The following PCDHGA4 variants were observed in gnomAD, a reference collection of about 807,000 sequenced individuals.
PCDHGA4 encodes protocadherin gamma-A4.
A neutral mutation model predicts 54.6 loss-of-function variants in PCDHGA4; 38 were observed. The ratio of observed to expected loss-of-function variants is 0.70; its 90% CI spans 0.54 to 0.91. The LOEUF (loss-of-function observed/expected upper bound fraction) is 0.91. Among genes scored for constraint, PCDHGA4 ranks in the 40% least tolerant of loss-of-function variants. The probability of loss-of-function intolerance (pLI) is 0.00; values close to 1 mark genes in which losing one functional copy is unlikely to be tolerated. For synonymous variants in PCDHGA4, 511 were observed against 512.9 expected (o/e 1.00, Z 0.05); for missense variants, 1,298 against 1,220.9 (o/e 1.06, Z -0.94).
chr5:141,356,107 A>C lies in PCDHGA4; in HGVS notation c.1000A>C (p.Ile334Leu). 6.2e-7 allele frequency: 1 copy of C among 1,613,872 alleles called. No homozygotes were observed. The highest frequency in any genetic ancestry group is 8.5e-7 in the Non-Finnish European group (1 of 1,179,878). Reference sequence around the variant, plus strand: ...GAATTCTCTGAGTGGGGATATAACAATATTGGGGGGTCTAGATTATGAGGA... The same window carrying C: ...GAATTCTCTGAGTGGGGATATAACACTATTGGGGGGTCTAGATTATGAGGA... ...QLNSLSGDITILGGLDYEDSG... is the reference protein window; with the variant it reads ...QLNSLSGDITLLGGLDYEDSG... The change falls in exon 1 of 4, where the codon ATA becomes CTA. Residue 334 changes from isoleucine (I) to leucine (L), a missense_variant. Physicochemically the swap from Ile to Leu is conservative, Grantham distance 5 (BLOSUM62 2). Transcript: ENST00000571252.
chr5:141,383,860 G>C lies in PCDHGA4; in HGVS notation c.2514+26239G>C, dbSNP rs772168555. On this transcript the variant is annotated intron_variant, in intron 1 of 3. Coordinates refer to ENST00000571252, the MANE Select transcript of PCDHGA4 (RefSeq NM_018917.4). ...TGCCTTCTATGAAATGGAGGTTCAG[G>C]CTCAAGATGGTCCTGGTAGTCTGAC... 6 of 1,613,808 alleles carry C rather than the reference G, an allele frequency of 3.7e-6. No homozygotes were observed. The Admixed American group carries it at 8.3e-5, about 22-fold the overall frequency.
intron 1 of PCDHGA4, chr5:141,366,028 C>T (rs1291382727): frequency 1.2e-6 from 2 of 1,614,136 alleles, no homozygotes; most frequent in Non-Finnish European, 1.7e-6. Flanking sequence ...TGTACCCCGC[C>T]CTCCCCACAG....
chr5:141,450,832 T>A (rs192186566), intron 1 of PCDHGA4, among the ~76,000 whole-genome samples: 5,292 of 142,276 alleles, frequency 0.037, 115 homozygotes, highest in Middle Eastern at 0.096. Flanking sequence ...TATTATTATT[T>A]TTTTTTTTTT....
intron 1 of PCDHGA4, chr5:141,379,021 G>A (rs1199097625): frequency 6.6e-6 from 1 of 152,192 alleles, no homozygotes; most frequent in Admixed American, 6.5e-5. Context: ...TCATGAGTTG[G>A]AAGATTCTAC....
At chr5:141,461,063 C>T (rs1472437531) in intron 1 of PCDHGA4, among the ~76,000 whole-genome samples, 1 of 151,796 alleles carries the variant, frequency 6.6e-6, no homozygotes, top group Non-Finnish European at 1.5e-5. Flanking sequence ...GTTGGTTTCA[C>T]ATTTTTGCAA....
rs2097403311 is a variant in PCDHGA4 at position 141,431,640 on chromosome 5, T to C, written c.2515-63167T>C. 6.2e-7 allele frequency: 1 copy of C among 1,614,094 alleles called. No individual in the cohort carries two copies. The highest frequency in any genetic ancestry group is 8.5e-7 in the Non-Finnish European group (1 of 1,180,040). On this transcript the variant is annotated intron_variant, in intron 1 of 3. Coordinates refer to ENST00000571252, the MANE Select transcript of PCDHGA4 (RefSeq NM_018917.4). This position sits in a 1 kb window ranked among gnomAD's most constrained non-coding sequence, Gnocchi z 4.8. ...GACAAGGCGGCCCAAGTTTTCAAACTAGATTGTAATTCAGGGACAATATCA... is the reference window on the plus strand; with the variant it reads ...GACAAGGCGGCCCAAGTTTTCAAACCAGATTGTAATTCAGGGACAATATCA...
chr5:141,382,072 G>A (rs901840757), intron 1 of PCDHGA4, among the ~76,000 whole-genome samples: 2 of 151,786 alleles, frequency 1.3e-5, no homozygotes, highest in African/African-American at 4.8e-5. Context: ...CAGGTGATCC[G>A]CCCGCCTCGG....
chr5:141,450,937 A>G (rs1011608521), intron 1 of PCDHGA4, among the ~76,000 whole-genome samples: 1 of 148,134 alleles, frequency 6.8e-6, no homozygotes, highest in African/African-American at 2.5e-5. Flanking sequence ...CAATTCTCCT[A>G]CCTCAGCCTC....
intron 1 of PCDHGA4, chr5:141,382,596 AATTTTCT>A (rs1778321594): frequency 3.9e-6 from 1 of 254,502 alleles, no homozygotes; most frequent in Non-Finnish European, 7.4e-6. Flanking sequence ...AAGATGAAAC[AATTTTCT>A]ATGAAATCAG....
chr5:141,371,367 G>T, intron 1 of PCDHGA4: 1 of 1,613,892 alleles, frequency 6.2e-7, no homozygotes, highest in South Asian at 1.1e-5. Context: ...AAAGGATGGT[G>T]GACATCACAC....
chr5:141,372,278 G>C (rs756938433), intron 1 of PCDHGA4: 2 of 1,613,032 alleles, frequency 1.2e-6, no homozygotes, highest in Admixed American at 1.7e-5. Flanking sequence ...AGGTGCGCAC[G>C]GCGCGTACCT....
rs1197249074 is a variant in PCDHGA4 at position 141,438,579 on chromosome 5, CATACATACATACATATATAT to C, written c.2515-56224_2515-56205del. ...AAGAGGCAGCTGTCTGATATACATACATACATACATACATATATATATATATATATATATATATATATATA... is the reference window on the plus strand; with the variant it reads ...AAGAGGCAGCTGTCTGATATACATACATATATATATATATATATATATATA... On this transcript the variant is annotated intron_variant, in intron 1 of 3. Transcript: ENST00000571252. Among the ~76,000 whole-genome samples the C allele has an allele frequency of 5.3e-3, 298 of 55,734 alleles. 1 individual carries two copies. Among genetic ancestry groups the C allele is most frequent in the Admixed American group, 0.022 (77 of 3,542 alleles). The allele number at this position is 55,734 out of a possible 152,430, so 36.6% of individuals were successfully genotyped here.
chr5:141,403,341 C>T (rs1279947533), intron 1 of PCDHGA4: 1 of 1,613,988 alleles, frequency 6.2e-7, no homozygotes, highest in Non-Finnish European at 8.5e-7. Flanking sequence ...AACGACAGCG[C>T]CCCAAAGTTC....
intron 1 of PCDHGA4, chr5:141,403,207 C>G: frequency 6.2e-7 from 1 of 1,613,966 alleles, no homozygotes. Context: ...GCACCTTGGT[C>G]ACCGCGGGTA....
chr5:141,393,086 T>C (rs533530561), intron 1 of PCDHGA4: 1 of 1,613,614 alleles, frequency 6.2e-7, no homozygotes, highest in Non-Finnish European at 8.5e-7. Flanking sequence ...GCAGGATAGA[T>C]CGGGAGGAGC....
At chr5:141,360,192 C>T in intron 1 of PCDHGA4, 1 of 1,611,916 alleles carries the variant, frequency 6.2e-7, no homozygotes, top group Non-Finnish European at 8.5e-7. Flanking sequence ...TACTGTTGCC[C>T]TTCCTGTTGT....
intron 1 of PCDHGA4, among the ~76,000 whole-genome samples, chr5:141,482,875 C>T (rs2099573976): frequency 6.6e-6 from 1 of 151,958 alleles, no homozygotes; most frequent in African/African-American, 2.4e-5. Context: ...AGTTTGAAAC[C>T]AGCCTGGCCA....
chr5:141,415,277 T>A lies in PCDHGA4; in HGVS notation c.2514+57656T>A, dbSNP rs533281226. 42 of 1,614,216 alleles carry A rather than the reference T, an allele frequency of 2.6e-5. No individual in the cohort carries two copies. In the South Asian group the frequency reaches 4.4e-4, roughly 17 times the overall value. On this transcript the variant is annotated intron_variant, in intron 1 of 3. Coordinates refer to ENST00000571252, the MANE Select transcript of PCDHGA4 (RefSeq NM_018917.4). Reference sequence around the variant, plus strand: ...CTCACTCTGTACCTGGTGGTAGCGGTGGCCGCGGTCTCCTGCGTCTTCCTG... The same window carrying A: ...CTCACTCTGTACCTGGTGGTAGCGGAGGCCGCGGTCTCCTGCGTCTTCCTG...
chr5:141,400,167 C>A, intron 1 of PCDHGA4: 1 of 1,614,082 alleles, frequency 6.2e-7, no homozygotes, highest in Non-Finnish European at 8.5e-7. Flanking sequence ...CCTCTGACCC[C>A]CAGGCTGAGC....
Sources: gnomAD v4.1 joint callset for allele counts (sites outside exome capture counted in the v4.1 genomes callset) on GRCh38, gnomAD v4.1.1 for gene constraint, Gnocchi (gnomAD v3.1) non-coding constraint, MANE v1.5 for transcripts, NCBI Gene and HGNC (gene_info 2026-07-23, HGNC 2026-07-21) for gene names.